Variants in LRRC7 observed in about 807,000 individuals in gnomAD.
LRRC7 encodes leucine-rich repeat-containing protein 7.
A neutral mutation model predicts 175.7 loss-of-function variants in LRRC7; 23 were observed. That is an observed-to-expected ratio of 0.13 (90% confidence interval 0.09 to 0.19). The LOEUF (loss-of-function observed/expected upper bound fraction) is 0.19, where lower values mean the gene tolerates loss of function less well. LRRC7 is among the 10% of genes least tolerant of loss of function. The pLI, the probability that LRRC7 is intolerant of heterozygous loss-of-function variation, is 1.00. For missense variants in LRRC7, 1,354 were observed against 1,904.7 expected (o/e 0.71, Z 5.38); for synonymous variants, 685 against 680.9 (o/e 1.01, Z -0.09).
chr1:70,093,232 C>T (rs1434232375), intron 25 of LRRC7, among the ~76,000 whole-genome samples: 1 of 152,108 alleles, frequency 6.6e-6, no homozygotes, highest in East Asian at 1.9e-4. Flanking sequence ...TTTGAGCCAA[C>T]AAATCTGATA....
chr1:70,075,880 G>A (rs1247213301), intron 23 of LRRC7, among the ~76,000 whole-genome samples, 197 bp from the exon 24 acceptor site: 1 of 152,182 alleles, frequency 6.6e-6, no homozygotes, highest in Non-Finnish European at 1.5e-5. Context: ...TGTATTTAAT[G>A]TGACCTTGCT....
In LRRC7 at chr1:69,843,072, AC is replaced by A. The variant is rs559115487; in HGVS notation, c.647+4791del. 9.2e-5 allele frequency among the ~76,000 whole-genome samples: 14 copies of A among 152,068 alleles called. No individual in the cohort carries two copies. In the South Asian group the frequency reaches 2.5e-3, roughly 27 times the overall value. On this transcript the variant is annotated intron_variant, in intron 7 of 26. Coordinates refer to ENST00000651989, the MANE Select transcript of LRRC7 (RefSeq NM_001370785.2). ...AAAGTAGCTAGGCATGGTGGCATACACCTGTAACCCCAGCTACTCAGGAGGC... is the reference window on the plus strand; with the variant it reads ...AAAGTAGCTAGGCATGGTGGCATACACTGTAACCCCAGCTACTCAGGAGGC...
intron 3 of LRRC7, 141 bp from the exon 4 acceptor site, chr1:69,791,902 T>G: frequency 1.8e-4 from 98 of 533,368 alleles, no homozygotes; most frequent in Middle Eastern, 5.1e-4. Context: ...ATTGAGAAGA[T>G]GAGTATGGAG....
intron 2 of LRRC7, among the ~76,000 whole-genome samples, chr1:69,728,908 G>T (rs544234882): frequency 1.3e-5 from 2 of 152,154 alleles, no homozygotes; most frequent in South Asian, 2.1e-4. Flanking sequence ...ATAAAGGAAA[G>T]AACTTTAATT....
chr1:69,685,595 T>C (rs1661041352), intron 2 of LRRC7, among the ~76,000 whole-genome samples: 1 of 152,032 alleles, frequency 6.6e-6, no homozygotes, highest in Non-Finnish European at 1.5e-5. Flanking sequence ...AAAATATCAC[T>C]TAATTGAATC....
intron 1 of LRRC7, among the ~76,000 whole-genome samples, chr1:69,652,647 C>T (rs149209875): frequency 6.6e-6 from 1 of 151,890 alleles, no homozygotes; most frequent in Non-Finnish European, 1.5e-5. Context: ...TGGAAAAACT[C>T]CCCTATCTCC....
chr1:70,141,010 T>C lies in LRRC7; in HGVS notation c.*19123T>C, dbSNP rs1667041401. Among the ~76,000 whole-genome samples, 1 of 152,068 alleles carries C rather than the reference T, an allele frequency of 6.6e-6. No individual in the cohort carries two copies. Among genetic ancestry groups the C allele is most frequent in the Non-Finnish European group, 1.5e-5 (1 of 67,990 alleles). The stretch of plus-strand genomic sequence containing the variant: ...AGTATGTCCTGAATTGAGCCTTAAA[T>C]CAGTGACTAATAAGGCAATGGAACA... On this transcript the variant is annotated 3_prime_UTR_variant, in exon 27 of 27. Coordinates refer to ENST00000651989, the MANE Select transcript of LRRC7 (RefSeq NM_001370785.2).
intron 1 of LRRC7, among the ~76,000 whole-genome samples, chr1:69,625,669 CA>C (rs1179944505): frequency 6.6e-6 from 1 of 152,010 alleles, no homozygotes; most frequent in African/African-American, 2.4e-5. Context: ...AATATAGCTA[CA>C]AAATTCCCAC....
At chr1:70,082,781 A>ATTTTTTTTTTTTTTTTTGTTT (rs1663305250) in intron 24 of LRRC7, among the ~76,000 whole-genome samples, 1 of 52,312 alleles carries the variant, frequency 1.9e-5, no homozygotes, top group Non-Finnish European at 3.7e-5. Context: ...ATACCAGTAC[A>ATTTTTTTTTTTTTTTTTGTTT]TTTTTTTTTT....
intron 1 of LRRC7, among the ~76,000 whole-genome samples, chr1:69,660,153 C>T (rs1361593613): frequency 6.6e-6 from 1 of 151,802 alleles, no homozygotes. Context: ...AGGGGTTCTG[C>T]AACTATATTA....
At chr1:70,043,871 A>G in intron 21 of LRRC7, 83 bp from the exon 22 acceptor site, 1 of 1,469,120 alleles carries the variant, frequency 6.8e-7, no homozygotes, top group Non-Finnish European at 9.2e-7. Context: ...GTTAAATGTT[A>G]TAAATTTAAA....
chr1:69,840,338 G>C (rs1363447066), intron 7 of LRRC7, among the ~76,000 whole-genome samples: 1 of 151,986 alleles, frequency 6.6e-6, no homozygotes, highest in African/African-American at 2.4e-5. Flanking sequence ...CTACACGAGA[G>C]CATTATAGTA....
chr1:69,844,529 G>A (rs12134450), intron 7 of LRRC7, among the ~76,000 whole-genome samples: 4,106 of 152,036 alleles, frequency 0.027, 85 homozygotes, highest in Non-Finnish European at 0.04. Context: ...CTTTTCTAAC[G>A]TGGAATAATA....
At chr1:69,868,073 T>A (rs1270178083) in intron 7 of LRRC7, among the ~76,000 whole-genome samples, 1 of 152,092 alleles carries the variant, frequency 6.6e-6, no homozygotes, top group Non-Finnish European at 1.5e-5. Flanking sequence ...ATCAAAAACA[T>A]CTTCTGAATT....
chr1:69,724,861 G>C (rs1666768754), intron 2 of LRRC7, among the ~76,000 whole-genome samples: 1 of 151,996 alleles, frequency 6.6e-6, no homozygotes, highest in Non-Finnish European at 1.5e-5. Flanking sequence ...CTTTTCAACT[G>C]TTACTATAAA....
At chr1:69,853,315 G>T (rs1303003749) in intron 7 of LRRC7, among the ~76,000 whole-genome samples, 1 of 93,142 alleles carries the variant, frequency 1.1e-5, no homozygotes, top group Non-Finnish European at 1.9e-5. Context: ...GTCTTACTCT[G>T]TTACCCAGGC....
intron 1 of LRRC7, among the ~76,000 whole-genome samples, chr1:69,649,054 T>C (rs537605276): frequency 6.6e-6 from 1 of 152,264 alleles, no homozygotes; most frequent in Non-Finnish European, 1.5e-5. Flanking sequence ...TACGATGCAG[T>C]TTTTCAAGAT....
intron 1 of LRRC7, among the ~76,000 whole-genome samples, chr1:69,614,601 C>T (rs1773335): frequency 0.13 from 19,526 of 151,612 alleles, 1,601 homozygotes; most frequent in South Asian, 0.19. Flanking sequence ...TGTGCAAGAA[C>T]GGGAGCAATT....
intron 1 of LRRC7, among the ~76,000 whole-genome samples, chr1:69,579,357 C>CT (rs1557427873): frequency 6.6e-6 from 1 of 152,096 alleles, no homozygotes; most frequent in South Asian, 2.1e-4. Flanking sequence ...CTCCACATAT[C>CT]TTTTTTTAAA....
Sources: allele counts gnomAD v4.1 joint callset (sites outside exome capture counted in the v4.1 genomes callset), GRCh38; gene constraint gnomAD v4.1.1; transcripts MANE v1.5; gene names NCBI Gene and HGNC (gene_info 2026-07-23, HGNC 2026-07-21).